Variants in TIGAR observed in about 807,000 individuals in gnomAD.
TIGAR encodes fructose-2,6-bisphosphatase TIGAR.
A neutral mutation model predicts 17.9 loss-of-function variants in TIGAR; 7 were observed. The observed-to-expected ratio is 0.39, with a 90% CI of 0.22 to 0.73. The LOEUF is 0.73. Ranked by LOEUF, TIGAR falls within the 30% of genes least tolerant of loss-of-function variation. The pLI is 0.42. For synonymous variants in TIGAR, 94 were observed against 108.6 expected (o/e 0.87, Z 0.84); for missense variants, 258 against 327.4 (o/e 0.79, Z 1.64).
intron 3 of TIGAR, among the ~76,000 whole-genome samples, chr12:4,340,834 C>T (rs1008269826): frequency 3.9e-5 from 6 of 152,104 alleles, no homozygotes; most frequent in African/African-American, 1.4e-4. Flanking sequence ...ACTGGATATC[C>T]ATATACAGAA....
rs1301783067 is a variant in TIGAR, at chr12:4,338,975, CACAAAA to C, written c.192+1817_192+1822del. Among the ~76,000 whole-genome samples, 6 of 38,194 alleles carry C rather than the reference CACAAAA, an allele frequency of 1.6e-4. 1 individual carries two copies. In the East Asian group the frequency reaches 4.8e-3, roughly 30 times the overall value. The allele number at this position is 38,194 out of a possible 152,430, so 25.1% of individuals were successfully genotyped here. A position where few individuals can be genotyped will look rare whatever the true frequency, so the allele number is the denominator to read the frequency against. ...TGGGCAACAAAGCAAAACTTTGTCT[CACAAAA>C]AAAAAAAAAAAAAAAAAGACAGAAA... On this transcript the variant is annotated intron_variant, in intron 3 of 5. Coordinates refer to ENST00000179259, the MANE Select transcript of TIGAR (RefSeq NM_020375.3).
At chr12:4,339,585 A>G (rs540893078) in intron 3 of TIGAR, among the ~76,000 whole-genome samples, 1 of 152,308 alleles carries the variant, frequency 6.6e-6, no homozygotes, top group East Asian at 1.9e-4. Context: ...CCAGACAGAC[A>G]CATTAAAAGA....
At chr12:4,323,312 T>C (rs1026831484) in intron 1 of TIGAR, among the ~76,000 whole-genome samples, 3 of 152,134 alleles carry the variant, frequency 2.0e-5, no homozygotes, top group African/African-American at 7.2e-5. Context: ...TTGTAGAATA[T>C]TTGGGGTAAG....
At position 4,324,458 on chromosome 12, in the gene TIGAR, C is replaced by T. The variant is rs1864515301; in HGVS notation, c.32+3155C>T. 3.8e-6 allele frequency: 6 copies of T among 1,575,584 alleles called. No individual in the cohort carries two copies. In the East Asian group the frequency reaches 1.3e-4, roughly 35 times the overall value. On this transcript the variant is annotated intron_variant, in intron 1 of 5. Coordinates refer to ENST00000179259, the MANE Select transcript of TIGAR (RefSeq NM_020375.3). ...ACCAGCTTATAGGTGATGGAGAACT[C>T]GCCCAGGTAGTGACTGATCATCTCC...
At chr12:4,351,421 A>C in intron 5 of TIGAR, 44 bp downstream of exon 5, 2 of 1,527,948 alleles carry the variant, frequency 1.3e-6, no homozygotes, top group Non-Finnish European at 1.8e-6. Flanking sequence ...TTAAGACTCA[A>C]AATTAGATGT....
At chr12:4,328,120 C>G (rs1436382667) in intron 1 of TIGAR, among the ~76,000 whole-genome samples, 1 of 152,212 alleles carries the variant, frequency 6.6e-6, no homozygotes, top group East Asian at 1.9e-4. Flanking sequence ...TCTGCTTTAT[C>G]CATCTGAATG....
In TIGAR at chr12:4,355,381, T is replaced by C. The variant is rs1457247176; in HGVS notation, c.*2690T>C. Among the ~76,000 whole-genome samples, 1 of 152,222 alleles carries C rather than the reference T, an allele frequency of 6.6e-6. No homozygotes were observed. Among genetic ancestry groups the C allele is most frequent in the Non-Finnish European group, 1.5e-5 (1 of 68,040 alleles). On this transcript the variant is annotated 3_prime_UTR_variant, in exon 6 of 6. Coordinates refer to ENST00000179259, the MANE Select transcript of TIGAR (RefSeq NM_020375.3). ...GGACTCTTTTAGTTATCTGTGTATT[T>C]CCTTATCAGTGTCATACTTAGTTAC...
At chr12:4,344,693 T>G (rs1864760984) in intron 3 of TIGAR, among the ~76,000 whole-genome samples, 1 of 152,178 alleles carries the variant, frequency 6.6e-6, no homozygotes, top group African/African-American at 2.4e-5. Flanking sequence ...TGCTAAAAAC[T>G]CTCAATAAAT....
intron 2 of TIGAR, among the ~76,000 whole-genome samples, chr12:4,336,824 A>G (rs1864664678): frequency 6.6e-6 from 1 of 152,230 alleles, no homozygotes; most frequent in Non-Finnish European, 1.5e-5. Flanking sequence ...CCATTAGGCA[A>G]GCATTCTTTT....
intron 3 of TIGAR, among the ~76,000 whole-genome samples, chr12:4,347,559 A>T (rs751487331): frequency 1.3e-5 from 2 of 152,220 alleles, no homozygotes; most frequent in Non-Finnish European, 2.9e-5. Context: ...TAATTGGATC[A>T]TTCGTAACAA....
Position 4,352,357 on chromosome 12 carries a change from ACTGT to A in TIGAR, c.483_486del (p.Cys161TrpfsTer11), listed in dbSNP as rs1864846183. The A allele has an allele frequency of 6.2e-7, 1 of 1,614,074 alleles. No individual in the cohort carries two copies. ...CAGTTTTCCCAAGGATCTCCAAGCA[ACTGT>A]CTGGAAACTTCTTTGGCAGAGATAT... On this transcript the variant is annotated frameshift_variant, in exon 6 of 6. Coordinates refer to ENST00000179259, the MANE Select transcript of TIGAR (RefSeq NM_020375.3). LOFTEE classifies it low-confidence loss of function (END_TRUNC).
intron 1 of TIGAR, 110 bp from the exon 2 acceptor site, chr12:4,331,170 G>T (rs1864599756): frequency 1.1e-6 from 1 of 942,396 alleles, no homozygotes; most frequent in Non-Finnish European, 1.7e-6. Flanking sequence ...TGTGTTACAA[G>T]TTTCACATGA....
chr12:4,337,166 T>C lies in TIGAR; in HGVS notation c.192+6T>C. 1 of 1,529,654 alleles carries C rather than the reference T, an allele frequency of 6.5e-7. No individual in the cohort carries two copies. The allele number at this position is 1,529,654 out of a possible 1,614,324, so 94.8% of individuals were successfully genotyped here. Reference sequence around the variant, plus strand: ...ATCTCATGAGGACAAAGCAGGTACATTTATTTATTTATTTATTTTGAGACA... The same window carrying C: ...ATCTCATGAGGACAAAGCAGGTACACTTATTTATTTATTTATTTTGAGACA... On this transcript the variant is annotated splice_donor_region_variant and intron_variant, in intron 3 of 5. Transcript: ENST00000179259.
intron 4 of TIGAR, among the ~76,000 whole-genome samples, chr12:4,351,003 C>G (rs1042266677): frequency 6.6e-6 from 1 of 152,080 alleles, no homozygotes; most frequent in African/African-American, 2.4e-5. Flanking sequence ...TCAATAAATT[C>G]CCACCATCTG....
chr12:4,340,860 C>G (rs899800497), intron 3 of TIGAR, among the ~76,000 whole-genome samples: 1 of 152,168 alleles, frequency 6.6e-6, no homozygotes, highest in Admixed American at 6.5e-5. Context: ...AAACTAGACC[C>G]CTGTCTTTCT....
chr12:4,327,989 A>G (rs942844473), intron 1 of TIGAR, among the ~76,000 whole-genome samples: 1 of 152,012 alleles, frequency 6.6e-6, no homozygotes, highest in African/African-American at 2.4e-5. Flanking sequence ...ATATTGAAAT[A>G]ACAGATATTT....
intron 3 of TIGAR, among the ~76,000 whole-genome samples, chr12:4,341,271 AAG>A (rs147792864): frequency 7.8e-4 from 62 of 79,724 alleles, no homozygotes; most frequent in Non-Finnish European, 1.1e-3. Context: ...ACAAATGACA[AAG>A]AGAGGGGGGG....
chr12:4,341,051 A>G (rs1442422882), intron 3 of TIGAR, among the ~76,000 whole-genome samples: 1 of 152,226 alleles, frequency 6.6e-6, no homozygotes, highest in South Asian at 2.1e-4. Context: ...GATCACATCA[A>G]GTTTAAAAGC....
At position 4,351,368 on chromosome 12, in the gene TIGAR, G is replaced by T. The variant is rs770892322; in HGVS notation, c.372G>T (p.Thr124=). 1 of 1,613,766 alleles carries T rather than the reference G, an allele frequency of 6.2e-7. No individual in the cohort carries two copies. Among genetic ancestry groups the T allele is most frequent in the South Asian group, 1.1e-5 (1 of 91,084 alleles). The change falls in exon 5 of 6, where the codon ACG becomes ACT. Residue 124 remains threonine (T), a synonymous_variant. Coordinates refer to ENST00000179259, the MANE Select transcript of TIGAR (RefSeq NM_020375.3). ...CPVFTPPGGE[T]LDQVKMRGID... ...TGTTTACACCGCCCGGAGGAGAGAC[G>T]CTGGACCAGGTATGTGGCGCTGCCG...
Sources: gnomAD v4.1 joint callset for allele counts (sites outside exome capture counted in the v4.1 genomes callset) on GRCh38, gnomAD v4.1.1 for gene constraint, MANE v1.5 for transcripts, NCBI Gene and HGNC (gene_info 2026-07-23, HGNC 2026-07-21) for gene names.